Variants in EYS observed in about 807,000 individuals in gnomAD.
EYS encodes the protein EGF-like photoreceptor maintenance factor, also known as protein eyes shut homolog.
EYS carries 250 observed loss-of-function variants against 282.1 expected under a neutral mutation model. That is an observed-to-expected ratio of 0.89 (90% confidence interval 0.80 to 0.98). EYS has a LOEUF of 0.98. Among genes scored for constraint, EYS ranks in the 50% least tolerant of loss-of-function variants. The probability of loss-of-function intolerance (pLI) is 0.00; values close to 1 mark genes in which losing one functional copy is unlikely to be tolerated. For missense variants in EYS, 4,016 were observed against 3,709.0 expected, an observed-to-expected ratio of 1.08 and a Z score of -2.15; for synonymous variants, 1,355 against 1,282.9, an observed-to-expected ratio of 1.06 and a Z score of -1.20.
chr6:64,517,655 C>T (rs1366562665), intron 26 of EYS, among the ~76,000 whole-genome samples: 5 of 151,754 alleles, frequency 3.3e-5, no homozygotes, highest in African/African-American at 1.2e-4. Context: ...AAAGGATCTT[C>T]ATGTTCATGT....
intron 1 of EYS, among the ~76,000 whole-genome samples, chr6:65,647,419 G>T (rs1442684176): frequency 6.6e-6 from 1 of 152,156 alleles, no homozygotes; most frequent in African/African-American, 2.4e-5. Flanking sequence ...GTGGGGAAAG[G>T]ACAAACTATT....
intron 8 of EYS, among the ~76,000 whole-genome samples, chr6:65,358,432 A>G (rs1764575870): frequency 6.6e-6 from 1 of 151,994 alleles, no homozygotes; most frequent in South Asian, 2.1e-4. Context: ...TAAAAGTCTT[A>G]TGTCTACTGA....
chr6:64,626,194 G>A lies in EYS; in HGVS notation c.3495C>T (p.Cys1165=), dbSNP rs1446568523. The change falls in exon 23 of 43, where the codon TGC becomes TGT. Residue 1165 remains cysteine, a synonymous_variant. Coordinates refer to ENST00000503581, the MANE Select transcript of EYS (RefSeq NM_001142800.2). ...CACCATGTAGACATGGTGATGAAGAGCATTCATTTATATTAATTTCACAAA... is the reference window on the plus strand; with the variant it reads ...CACCATGTAGACATGGTGATGAAGAACATTCATTTATATTAATTTCACAAA... ...GQFCEININE[C]SSSPCLHGAD... is the part of the protein sequence containing the mutation. The A allele has an allele frequency of 6.5e-7, 1 of 1,537,970 alleles. No homozygotes were observed. The highest frequency in any genetic ancestry group is 1.3e-5 in the South Asian group (1 of 79,890).
chr6:64,421,317 G>A (rs2150451578), intron 28 of EYS, among the ~76,000 whole-genome samples: 1 of 152,160 alleles, frequency 6.6e-6, no homozygotes, highest in Admixed American at 6.5e-5. Flanking sequence ...GGAAGAAACT[G>A]TCCCTGTGAT....
intron 12 of EYS, among the ~76,000 whole-genome samples, chr6:65,283,710 A>G (rs1419128350): frequency 6.6e-6 from 1 of 151,772 alleles, no homozygotes; most frequent in Non-Finnish European, 1.5e-5. Flanking sequence ...TTTTTTTCAC[A>G]GTATCTATGC....
chr6:64,569,740 C>CAA (rs57963403), intron 26 of EYS, among the ~76,000 whole-genome samples: 56 of 143,216 alleles, frequency 3.9e-4, no homozygotes, highest in African/African-American at 1.4e-3. Context: ...GACTCCATTT[C>CAA]AAAAAAAAAA....
chr6:65,658,700 A>G (rs796078431), intron 1 of EYS, among the ~76,000 whole-genome samples: 18 of 151,804 alleles, frequency 1.2e-4, no homozygotes, highest in African/African-American at 4.3e-4. Flanking sequence ...ATTTTAAATT[A>G]TGATACACAT....
chr6:64,250,380 T>A (rs979142036), intron 30 of EYS, among the ~76,000 whole-genome samples: 2 of 152,154 alleles, frequency 1.3e-5, no homozygotes, highest in African/African-American at 4.8e-5. Context: ...GCTAGCAGAA[T>A]TGCACGCAAC....
At position 63,919,502 on chromosome 6, in the gene EYS, A is replaced by G. The variant is rs1330713313; in HGVS notation, c.7056-55144T>C. Among the ~76,000 whole-genome samples, 5 of 152,138 alleles carry G rather than the reference A, an allele frequency of 3.3e-5. No individual in the cohort carries two copies. The East Asian group carries it at 9.7e-4, about 29-fold the overall frequency. On this transcript the variant is annotated intron_variant, in intron 35 of 42. Transcript: ENST00000503581. Reference sequence around the variant, plus strand: ...AATTCAAATTGTAATTTTATTTCCTATCTCCCTTGATGGCAAAATGTAGAC... The same window carrying G: ...AATTCAAATTGTAATTTTATTTCCTGTCTCCCTTGATGGCAAAATGTAGAC...
chr6:64,480,107 T>C (rs1273456048), intron 26 of EYS, among the ~76,000 whole-genome samples: 1 of 151,890 alleles, frequency 6.6e-6, no homozygotes, highest in Admixed American at 6.6e-5. Context: ...TATAAAAATG[T>C]TATTTCATTC....
chr6:65,138,741 C>T (rs1464565224), intron 12 of EYS, among the ~76,000 whole-genome samples: 1 of 152,012 alleles, frequency 6.6e-6, no homozygotes. Context: ...CAAACAAAAG[C>T]AATGTTGCAA....
chr6:65,543,651 C>T (rs1768267025), intron 2 of EYS, among the ~76,000 whole-genome samples: 1 of 151,852 alleles, frequency 6.6e-6, no homozygotes, highest in Non-Finnish European at 1.5e-5. Flanking sequence ...TAATCTTCTC[C>T]CTATGATTTA....
chr6:64,548,989 T>C (rs1764977885), intron 26 of EYS, among the ~76,000 whole-genome samples: 1 of 152,140 alleles, frequency 6.6e-6, no homozygotes, highest in South Asian at 2.1e-4. Context: ...TCTTAATATA[T>C]GATCATTACT....
intron 41 of EYS, among the ~76,000 whole-genome samples, chr6:63,734,457 C>T (rs1177030789): frequency 6.6e-6 from 1 of 152,094 alleles, no homozygotes; most frequent in East Asian, 1.9e-4. Context: ...TTGGTTGCTG[C>T]ACTGAGAATA....
At chr6:64,668,033 A>G (rs1372095438) in intron 22 of EYS, among the ~76,000 whole-genome samples, 2 of 152,196 alleles carry the variant, frequency 1.3e-5, no homozygotes, top group Non-Finnish European at 2.9e-5. Flanking sequence ...TTGCATCTAT[A>G]ATAACTTCTC....
At chr6:64,225,612 T>C (rs1358428488) in intron 31 of EYS, among the ~76,000 whole-genome samples, 3 of 151,990 alleles carry the variant, frequency 2.0e-5, no homozygotes, top group Non-Finnish European at 4.4e-5. Flanking sequence ...AACAAGGAAA[T>C]GCATTCTCCC....
At chr6:65,506,423 T>TGATTGTCC (rs1004579596) in intron 2 of EYS, among the ~76,000 whole-genome samples, 11 of 151,312 alleles carry the variant, frequency 7.3e-5, no homozygotes, top group Non-Finnish European at 1.5e-4. Flanking sequence ...ATGATTGTAT[T>TGATTGTCC]GATTGTCCTG....
At chr6:63,922,812 T>C (rs1036401808) in intron 35 of EYS, among the ~76,000 whole-genome samples, 2 of 152,186 alleles carry the variant, frequency 1.3e-5, no homozygotes, top group Non-Finnish European at 2.9e-5. Context: ...TCTAACATGA[T>C]TCATTTTAGA....
At chr6:65,188,648 T>G (rs1765568438) in intron 12 of EYS, among the ~76,000 whole-genome samples, 1 of 151,232 alleles carries the variant, frequency 6.6e-6, no homozygotes, top group South Asian at 2.1e-4. Flanking sequence ...ATACAGATAT[T>G]ATTCTGAATT....
Sources: gnomAD v4.1 joint callset for allele counts (sites outside exome capture counted in the v4.1 genomes callset) on GRCh38, gnomAD v4.1.1 for gene constraint, MANE v1.5 for transcripts, NCBI Gene and HGNC (gene_info 2026-07-23, HGNC 2026-07-21) for gene names.